PADI6: variants seen among roughly 807,000 people sequenced by gnomAD.
The protein encoded by PADI6 is peptidyl arginine deiminase 6.
PADI6 carries 66 observed loss-of-function variants against 78.2 expected under a neutral mutation model. The ratio of observed to expected loss-of-function variants is 0.84; its 90% CI spans 0.69 to 1.04. PADI6 has a LOEUF of 1.04. PADI6 is among the 50% of genes least tolerant of loss of function. The pLI, the probability that PADI6 is intolerant of heterozygous loss-of-function variation, is 0.00. For missense variants in PADI6, 854 were observed against 866.1 expected (o/e 0.99, Z 0.18); for synonymous variants, 397 against 346.9 (o/e 1.14, Z -1.60).
In PADI6 at chr1:17,398,830, C is replaced by T; in HGVS notation, c.1834C>T (p.Pro612Ser). The T allele has an allele frequency of 6.2e-7, 1 of 1,613,428 alleles. No homozygotes were observed. Among genetic ancestry groups the T allele is most frequent in the East Asian group, 2.2e-5 (1 of 44,832 alleles). Residue 612 changes from proline (P) to serine (S), a missense_variant, in exon 15 of 16, where the codon CCA becomes TCA. Pro to Ser is a moderately conservative substitution (Grantham distance 74, BLOSUM62 -1). Coordinates refer to ENST00000619609, the MANE Select transcript of PADI6 (RefSeq NM_207421.4). ...DQQPKRSFAR[P>S]YFPDLLRMIV... is the part of the protein sequence containing the mutation. ...GCAGCCCAAGAGGTCCTTTGCGAGG[C>T]CATACTTCCCTGACCTGGTGAGGGG...
At chr1:17,386,638 A>G (rs980891369) in intron 6 of PADI6, among the ~76,000 whole-genome samples, 1 of 152,168 alleles carries the variant, frequency 6.6e-6, no homozygotes, top group Non-Finnish European at 1.5e-5. Context: ...CTGGTGAAGC[A>G]TCTAGGTAGA....
chr1:17,385,824 G>A (rs911129298), intron 6 of PADI6, among the ~76,000 whole-genome samples: 24 of 152,150 alleles, frequency 1.6e-4, no homozygotes, highest in African/African-American at 2.2e-4. Context: ...AGAAATGGCC[G>A]AGAAGTGCCA....
intron 6 of PADI6, among the ~76,000 whole-genome samples, chr1:17,387,926 C>T (rs777545026): frequency 2.6e-5 from 4 of 152,142 alleles, no homozygotes; most frequent in Non-Finnish European, 5.9e-5. Context: ...AGGCATAATC[C>T]ATCCAATAAA....
At chr1:17,373,488 CATTT>C (rs1478709693) in intron 2 of PADI6, among the ~76,000 whole-genome samples, 5 of 143,920 alleles carry the variant, frequency 3.5e-5, no homozygotes, top group African/African-American at 5.2e-5. Flanking sequence ...TTTTTATTTT[CATTT>C]ATTTATTATT....
chr1:17,375,277 C>A, intron 2 of PADI6, 150 bp from the exon 3 acceptor site: 1 of 694,178 alleles, frequency 1.4e-6, no homozygotes, highest in Non-Finnish European at 2.5e-6. Flanking sequence ...AAGCGCAGGG[C>A]TGTGGCCCCA....
chr1:17,399,592 T>A lies in PADI6; in HGVS notation c.1851+745T>A, dbSNP rs575861530. ...CCTGGGCAACAAGACTGAAACTCCGTCTCTAATATTTATTCTGCTTGGCTG... is the reference window on the plus strand; with the variant it reads ...CCTGGGCAACAAGACTGAAACTCCGACTCTAATATTTATTCTGCTTGGCTG... On this transcript the variant is annotated intron_variant, in intron 15 of 15. Coordinates refer to ENST00000619609, the MANE Select transcript of PADI6 (RefSeq NM_207421.4). Among the ~76,000 whole-genome samples the A allele has an allele frequency of 2.7e-5, 4 of 150,572 alleles. No individual in the cohort carries two copies. In the South Asian group the frequency reaches 8.4e-4, roughly 32 times the overall value.
chr1:17,390,288 C>G (rs535363032), intron 8 of PADI6, among the ~76,000 whole-genome samples: 2 of 150,836 alleles, frequency 1.3e-5, no homozygotes, highest in South Asian at 4.2e-4. Flanking sequence ...GAAACAAGAG[C>G]GAAACTGTCT....
At chr1:17,380,762 G>C (rs1395104041) in intron 4 of PADI6, among the ~76,000 whole-genome samples, 1 of 152,178 alleles carries the variant, frequency 6.6e-6, no homozygotes, top group Non-Finnish European at 1.5e-5. Context: ...GCTGCTGCCA[G>C]GTGGCACGTC....
intron 8 of PADI6, among the ~76,000 whole-genome samples, chr1:17,390,479 C>T (rs1440056024): frequency 6.6e-6 from 1 of 151,360 alleles, no homozygotes; most frequent in African/African-American, 2.4e-5. Flanking sequence ...TGGTGCACCC[C>T]AGTAATCCCA....
chr1:17,386,754 A>C (rs2075123448), intron 6 of PADI6, among the ~76,000 whole-genome samples: 1 of 152,106 alleles, frequency 6.6e-6, no homozygotes, highest in Non-Finnish European at 1.5e-5. Flanking sequence ...AGGGCCTCCA[A>C]GGAGGGGCTG....
At chr1:17,372,383 C>G in intron 1 of PADI6, 22 bp downstream of exon 1, 3 of 1,608,752 alleles carry the variant, frequency 1.9e-6, no homozygotes, top group Admixed American at 3.3e-5. Flanking sequence ...GGAGCTCTGC[C>G]AGAGGTGGCA....
intron 11 of PADI6, among the ~76,000 whole-genome samples, 158 bp downstream of exon 11, chr1:17,394,612 A>G (rs1280798576): frequency 1.3e-5 from 2 of 152,230 alleles, no homozygotes; most frequent in African/African-American, 2.4e-5. Flanking sequence ...GAGACTAAAG[A>G]TGAGAATAAA....
chr1:17,382,782 T>C (rs1397145070), intron 6 of PADI6, among the ~76,000 whole-genome samples: 7 of 152,042 alleles, frequency 4.6e-5, no homozygotes, highest in African/African-American at 1.4e-4. Context: ...TTTCTTTGGG[T>C]TTTGTTTTGT....
chr1:17,381,094 G>A lies in PADI6; in HGVS notation c.483G>A (p.Val161=), dbSNP rs772383073. ...GPSGWGAILL[V]NCNPADVGQQ... ...GCGGTTGGGGTGCCATCCTGCTTGT[G>A]AATTGCAACCCTGCTGATGTGGGCC... Residue 161 remains valine (V), a synonymous_variant, in exon 5 of 16, where the codon GTG becomes GTA. Transcript: ENST00000619609. 1.2e-6 allele frequency: 2 copies of A among 1,609,796 alleles called. No individual in the cohort carries two copies. The highest frequency in any genetic ancestry group is 2.2e-5 in the South Asian group (2 of 89,720).
chr1:17,395,370 A>G (rs2075236320), intron 12 of PADI6, among the ~76,000 whole-genome samples, 170 bp from the exon 13 acceptor site: 1 of 151,896 alleles, frequency 6.6e-6, no homozygotes, highest in South Asian at 2.1e-4. Flanking sequence ...CACCTGGCTC[A>G]TTTTTGTATT....
chr1:17,373,218 C>T lies in PADI6; in HGVS notation c.279C>T (p.Ser93=), dbSNP rs756296522. 24 of 1,613,804 alleles carry T rather than the reference C, an allele frequency of 1.5e-5. 1 individual carries two copies. Among genetic ancestry groups the T allele is most frequent in the South Asian group, 4.4e-5 (4 of 91,086 alleles). ...TGAAGATGACATCGCCCAGCCCTTC[C>T]GTGGATGCGGATAAGGTAAGCCTCA... ...ATVKMTSPSP[S]VDADKVSVTY... Residue 93 remains serine, a synonymous_variant, in exon 2 of 16, where the codon TCC becomes TCT. Coordinates refer to ENST00000619609, the MANE Select transcript of PADI6 (RefSeq NM_207421.4).
chr1:17,392,383 G>A (rs111789712), intron 9 of PADI6, among the ~76,000 whole-genome samples, 158 bp downstream of exon 9: 18 of 152,340 alleles, frequency 1.2e-4, no homozygotes, highest in African/African-American at 4.3e-4. Flanking sequence ...CTCAGATGAG[G>A]ATTTGCCTGA....
chr1:17,382,052 C>A lies in PADI6; in HGVS notation c.639C>A (p.Ser213=). 1 of 1,614,016 alleles carries A rather than the reference C, an allele frequency of 6.2e-7. No homozygotes were observed. The highest frequency in any genetic ancestry group is 8.5e-7 in the Non-Finnish European group (1 of 1,179,876). The part of the protein sequence containing the change: ...LKKYRLVLHT[S]KEESKKARVY... ...AATATCGGCTAGTCCTCCATACCTC[C>A]AAGGAAGAGTCGAAGAAGGCGAGAG... is the stretch of plus-strand genomic sequence containing the variant. The change falls in exon 6 of 16, where the codon TCC becomes TCA. Residue 213 remains serine, a synonymous_variant. Coordinates refer to ENST00000619609, the MANE Select transcript of PADI6 (RefSeq NM_207421.4).
chr1:17,372,394 G>C lies in PADI6; in HGVS notation c.116+33G>C, dbSNP rs1204711597. ...GCTGGGAGCTCTGCCAGAGGTGGCA[G>C]GCAGACAGGCAGGCAGGCCTGGGAC... is the stretch of plus-strand genomic sequence containing the variant. On this transcript the variant is annotated intron_variant, in intron 1 of 15. Transcript: ENST00000619609. 3.1e-6 allele frequency: 5 copies of C among 1,593,422 alleles called. No individual in the cohort carries two copies. The African/African-American group carries it at 6.7e-5, about 21-fold the overall frequency.
Sources: allele counts gnomAD v4.1 joint callset (sites outside exome capture counted in the v4.1 genomes callset), GRCh38; gene constraint gnomAD v4.1.1; transcripts MANE v1.5; gene names NCBI Gene and HGNC (gene_info 2026-07-23, HGNC 2026-07-21).